Variants in CCM2L observed in about 807,000 individuals in gnomAD.
The protein encoded by CCM2L is CCM2 like scaffold protein.
CCM2L carries 36 observed loss-of-function variants against 54.1 expected under a neutral mutation model. That is an observed-to-expected ratio of 0.67 (90% CI 0.51 to 0.88). The LOEUF (loss-of-function observed/expected upper bound fraction) is 0.88, where lower values mean the gene tolerates loss of function less well. Among genes scored for constraint, CCM2L ranks in the 40% least tolerant of loss-of-function variants. CCM2L has a pLI of 0.00. For synonymous variants in CCM2L, 351 were observed against 359.3 expected (o/e 0.98, Z 0.26); for missense variants, 700 against 812.1 (o/e 0.86, Z 1.68).
chr20:32,025,183 CT>C (rs1460223317), intron 6 of CCM2L, among the ~76,000 whole-genome samples: 1 of 137,840 alleles, frequency 7.3e-6, no homozygotes, highest in Non-Finnish European at 1.6e-5. Flanking sequence ...TTCTTTTTTC[CT>C]TTCCTTTCCT....
chr20:32,019,251 G>A lies in CCM2L; in HGVS notation c.775G>A (p.Gly259Ser). ...RRHGGGGGGG[G>S]AGKPGGSWER... ...GCACGGAGGCGGCGGCGGCGGCGGC[G>A]GCGCGGGAAAGCCGGGCGGTAGCTG... The change falls in exon 5 of 10, where the codon GGC (glycine) becomes AGC (serine). Residue 259 changes from glycine (G) to serine (S), a missense_variant. Physicochemically the swap from Gly to Ser is moderately conservative, Grantham distance 56. Coordinates refer to ENST00000452892, the MANE Select transcript of CCM2L (RefSeq NM_001365692.1). The A allele has an allele frequency of 1.7e-6, 2 of 1,201,064 alleles. No homozygotes were observed. The highest frequency in any genetic ancestry group is 2.1e-6 in the Non-Finnish European group (2 of 962,492). The allele number at this position is 1,201,064 out of a possible 1,614,324, so 74.4% of individuals were successfully genotyped here.
intron 9 of CCM2L, among the ~76,000 whole-genome samples, chr20:32,030,079 A>C (rs990418246): frequency 1.3e-5 from 2 of 152,192 alleles, no homozygotes; most frequent in Non-Finnish European, 2.9e-5. Context: ...TCATCCTCAC[A>C]GCAAAGCTGC....
At position 32,031,444 on chromosome 20, in the gene CCM2L, T is replaced by G. The variant is rs145525031; in HGVS notation, c.*130T>G. On this transcript the variant is annotated 3_prime_UTR_variant, in exon 10 of 10. Coordinates refer to ENST00000452892, the MANE Select transcript of CCM2L (RefSeq NM_001365692.1). ...GGGGGTCTTCACTCCAGGGTCTCGC[T>G]CCCTGCCCTTGGGGCCCGGGGCCAT... 1.4e-3 allele frequency: 998 copies of G among 732,588 alleles called. 9 individuals carry two copies. The African/African-American group carries it at 0.016, about 12-fold the overall frequency. 45.4% of individuals were successfully genotyped at this position (732,588 alleles called of 1,614,324 possible). A position where few individuals can be genotyped will look rare whatever the true frequency, so the allele number is the denominator to read the frequency against.
intron 6 of CCM2L, 143 bp from the exon 7 acceptor site, chr20:32,025,713 G>A (rs2064853142): frequency 7.9e-5 from 35 of 441,540 alleles, no homozygotes; most frequent in South Asian, 6.4e-4. Context: ...GAGAGGGGAG[G>A]GGAGTTCCCC....
chr20:32,025,153 C>CCTTT (rs781375899), intron 6 of CCM2L, among the ~76,000 whole-genome samples: 3 of 150,530 alleles, frequency 2.0e-5, no homozygotes, highest in African/African-American at 4.9e-5. Flanking sequence ...TTCCCCTTCC[C>CCTTT]CTTTCTTTCT....
At chr20:32,028,842 G>A in intron 7 of CCM2L, 153 bp from the exon 8 acceptor site, 1 of 929,848 alleles carries the variant, frequency 1.1e-6, no homozygotes, top group South Asian at 1.7e-5. Flanking sequence ...GGCAAGCACA[G>A]TGACAGATGA....
intron 7 of CCM2L, among the ~76,000 whole-genome samples, chr20:32,027,462 G>T (rs1393518460): frequency 6.6e-6 from 1 of 152,170 alleles, no homozygotes; most frequent in Non-Finnish European, 1.5e-5. Context: ...AGCAGCTACT[G>T]TTTATTGCTT....
chr20:32,024,254 GTTCTT>G, intron 6 of CCM2L, among the ~76,000 whole-genome samples: 1 of 152,346 alleles, frequency 6.6e-6, no homozygotes. Flanking sequence ...CAGAGTGCTC[GTTCTT>G]TTCTTCAGAA....
intron 5 of CCM2L, among the ~76,000 whole-genome samples, chr20:32,021,172 A>G (rs558958291): frequency 1.3e-5 from 2 of 152,124 alleles, no homozygotes; most frequent in Non-Finnish European, 2.9e-5. Context: ...CACATCTTCC[A>G]GTGGCTTCCC....
intron 4 of CCM2L, 35 bp downstream of exon 4, chr20:32,018,197 GGGGGCGGGGGCGGGGGAGGGGC>G (rs2122330318): frequency 3.5e-6 from 1 of 289,142 alleles, no homozygotes; most frequent in Non-Finnish European, 5.9e-6. Context: ...GGGGAGGGGC[GGGGGCGGGGGCGGGGGAGGGGC>G]GGGGGCGGGG....
intron 1 of CCM2L, among the ~76,000 whole-genome samples, chr20:32,012,389 C>T (rs1248963260): frequency 1.3e-5 from 2 of 152,128 alleles, no homozygotes; most frequent in African/African-American, 2.4e-5. Flanking sequence ...AAGACCCCAT[C>T]TCTTTAAAAA....
chr20:32,029,746 T>C lies in CCM2L; in HGVS notation c.1310T>C (p.Leu437Pro). 1 of 1,613,532 alleles carries C rather than the reference T, an allele frequency of 6.2e-7. No individual in the cohort carries two copies. The part of the protein sequence containing the change: ...GPLEIQQFAM[L>P]LREYRLGLPI... The stretch of plus-strand genomic sequence containing the variant: ...CTCGAGATCCAGCAGTTTGCGATGC[T>C]GCTGCGGGAGTACCGGCTGGGGCTG... The change falls in exon 9 of 10, where the codon CTG (leucine) becomes CCG (proline). Residue 437 changes from leucine (L) to proline (P), a missense_variant. By Grantham distance (98) the Leu-to-Pro change is moderately conservative (BLOSUM62 -3). Coordinates refer to ENST00000452892, the MANE Select transcript of CCM2L (RefSeq NM_001365692.1).
chr20:32,016,960 C>G (rs2064746130), intron 2 of CCM2L, among the ~76,000 whole-genome samples: 2 of 152,022 alleles, frequency 1.3e-5, no homozygotes, highest in South Asian at 4.2e-4. Context: ...GCAGCCTGGC[C>G]AACATGGTGA....
chr20:32,022,539 A>G, intron 5 of CCM2L, 121 bp from the exon 6 acceptor site: 1 of 1,151,672 alleles, frequency 8.7e-7, no homozygotes, highest in Non-Finnish European at 1.2e-6. Flanking sequence ...CTTGAAAGCC[A>G]ATTTAAAGGG....
intron 2 of CCM2L, among the ~76,000 whole-genome samples, chr20:32,016,811 TTTGA>T (rs1445931205): frequency 1.3e-5 from 2 of 152,058 alleles, no homozygotes; most frequent in Non-Finnish European, 2.9e-5. Context: ...AGAGAAAATG[TTTGA>T]TTGGTGGATT....
chr20:32,020,264 T>A (rs1025009645), intron 5 of CCM2L, among the ~76,000 whole-genome samples: 1 of 152,156 alleles, frequency 6.6e-6, no homozygotes, highest in Non-Finnish European at 1.5e-5. Context: ...GTCTAGATGG[T>A]GAGGCAGATA....
rs1298284538 is a variant in CCM2L, at chr20:32,022,796, G to A, written c.1069+1G>A. 1 of 1,612,710 alleles carries A rather than the reference G, an allele frequency of 6.2e-7. No homozygotes were observed. Among genetic ancestry groups the A allele is most frequent in the South Asian group, 1.1e-5 (1 of 91,002 alleles). On this transcript the variant is annotated splice_donor_variant, in intron 6 of 9. Coordinates refer to ENST00000452892, the MANE Select transcript of CCM2L (RefSeq NM_001365692.1). LOFTEE classifies it high-confidence loss of function. ...GAACGGCCATGGCTCTGCAGCCGCA[G>A]TGAGTACCAGAACTCCTGGCCTCCC...
chr20:32,011,875 G>A (rs575004115), intron 1 of CCM2L, among the ~76,000 whole-genome samples: 1 of 151,668 alleles, frequency 6.6e-6, no homozygotes, highest in East Asian at 1.9e-4. Flanking sequence ...GCCATTCAGG[G>A]CCACCAACAA....
Position 32,031,870 on chromosome 20 carries a change from C to G in CCM2L, c.*556C>G, listed in dbSNP as rs2064933913. On this transcript the variant is annotated 3_prime_UTR_variant, in exon 10 of 10. Coordinates refer to ENST00000452892, the MANE Select transcript of CCM2L (RefSeq NM_001365692.1). ...GCTCTAAATGTCAGGGTCTCCCATC[C>G]CCTGATGCCTGACTTGTACAGTCAG... 1 of 152,306 alleles carries G rather than the reference C, an allele frequency of 6.6e-6. No individual in the cohort carries two copies. The highest frequency in any genetic ancestry group is 1.5e-5 in the Non-Finnish European group (1 of 68,124). The allele number at this position is 152,306 out of a possible 1,614,324, so 9.4% of individuals were successfully genotyped here. A position where few individuals can be genotyped will look rare whatever the true frequency, so the allele number is the denominator to read the frequency against.
Sources: gnomAD v4.1 joint callset for allele counts (sites outside exome capture counted in the v4.1 genomes callset) on GRCh38, gnomAD v4.1.1 for gene constraint, MANE v1.5 for transcripts, NCBI Gene and HGNC (gene_info 2026-07-23, HGNC 2026-07-21) for gene names.